Variants in ULK4 observed in about 807,000 individuals in gnomAD.
ULK4 encodes inactive serine/threonine-protein kinase ULK4.
ULK4 carries 133 observed loss-of-function variants against 160.6 expected under a neutral mutation model. The observed-to-expected ratio is 0.83, with a 90% CI of 0.72 to 0.96. The LOEUF (loss-of-function observed/expected upper bound fraction) is 0.96. Among genes scored for constraint, ULK4 ranks in the 40% least tolerant of loss-of-function variants. ULK4 has a pLI of 0.00. For missense variants in ULK4, 1,580 were observed against 1,499.5 expected (o/e 1.05, Z -0.89); for synonymous variants, 534 against 539.8 (o/e 0.99, Z 0.15).
chr3:41,730,493 A>G (rs965000303), intron 22 of ULK4, among the ~76,000 whole-genome samples: 1 of 152,184 alleles, frequency 6.6e-6, no homozygotes, highest in Admixed American at 6.5e-5. Context: ...ATGAACAACT[A>G]TACACCAAAA....
chr3:41,252,202 T>C (rs900681659), intron 35 of ULK4, among the ~76,000 whole-genome samples: 2 of 152,212 alleles, frequency 1.3e-5, no homozygotes, highest in African/African-American at 2.4e-5. Flanking sequence ...CAGGGTCTTA[T>C]AATGTAATAT....
intron 32 of ULK4, among the ~76,000 whole-genome samples, chr3:41,542,164 A>G (rs1206356754): frequency 6.6e-6 from 1 of 152,190 alleles, no homozygotes; most frequent in Non-Finnish European, 1.5e-5. Flanking sequence ...TGTCATAAAC[A>G]GCTGTTATTA....
chr3:41,829,944 C>T (rs2041517550), intron 18 of ULK4, among the ~76,000 whole-genome samples: 2 of 151,800 alleles, frequency 1.3e-5, no homozygotes, highest in Admixed American at 6.6e-5. Flanking sequence ...GGTACATATA[C>T]ACCATGGAAT....
intron 34 of ULK4, 88 bp from the exon 35 acceptor site, chr3:41,398,352 G>A: frequency 7.4e-7 from 1 of 1,346,808 alleles, no homozygotes; most frequent in Admixed American, 2.2e-5. Context: ...GCTTGATGGG[G>A]GTGTCAGCCT....
chr3:41,770,888 A>G (rs915149038), intron 21 of ULK4, among the ~76,000 whole-genome samples: 2 of 152,198 alleles, frequency 1.3e-5, no homozygotes, highest in Non-Finnish European at 2.9e-5. Context: ...AAGAATATTA[A>G]GTTACTTTTG....
chr3:41,850,978 T>C (rs948286531), intron 17 of ULK4, among the ~76,000 whole-genome samples: 1 of 152,222 alleles, frequency 6.6e-6, no homozygotes, highest in Non-Finnish European at 1.5e-5. Flanking sequence ...CTTGAATTAA[T>C]TTTTGTATAA....
chr3:41,669,611 G>T lies in ULK4; in HGVS notation c.2979-5912C>A, dbSNP rs1385158653. ...TTCTATCCCTAGAGATTCTACAAAA[G>T]GAAATAAGGATATGTCCAAGGATGC... On this transcript the variant is annotated intron_variant, in intron 29 of 36. Coordinates refer to ENST00000301831, the MANE Select transcript of ULK4 (RefSeq NM_017886.4). 2.0e-5 allele frequency among the ~76,000 whole-genome samples: 3 copies of T among 152,024 alleles called. No homozygotes were observed. The East Asian group carries it at 5.8e-4, about 29-fold the overall frequency.
intron 35 of ULK4, among the ~76,000 whole-genome samples, chr3:41,389,166 GCTCT>G (rs2081893780): frequency 6.6e-6 from 1 of 151,564 alleles, no homozygotes; most frequent in Non-Finnish European, 1.5e-5. Flanking sequence ...TCATGATTTG[GCTCT>G]CTGTCTGTTA....
intron 34 of ULK4, among the ~76,000 whole-genome samples, chr3:41,404,226 A>ATTTTTT (rs60508995): frequency 7.6e-6 from 1 of 131,864 alleles, no homozygotes; most frequent in African/African-American, 2.8e-5. Flanking sequence ...TAGCTCTATC[A>ATTTTTT]TTTTTTTTTT....
At chr3:41,538,407 G>C (rs2086585266) in intron 32 of ULK4, among the ~76,000 whole-genome samples, 1 of 151,952 alleles carries the variant, frequency 6.6e-6, no homozygotes, top group Non-Finnish European at 1.5e-5. Context: ...GAAATGGCAG[G>C]CAACAGCTGC....
chr3:41,366,341 G>A (rs954182034), intron 35 of ULK4, among the ~76,000 whole-genome samples: 6 of 152,126 alleles, frequency 3.9e-5, no homozygotes, highest in African/African-American at 1.2e-4. Flanking sequence ...AGGGAAAGTA[G>A]GTAAGATGGT....
intron 21 of ULK4, among the ~76,000 whole-genome samples, chr3:41,769,217 G>C (rs543116226): frequency 6.6e-6 from 1 of 152,148 alleles, no homozygotes; most frequent in South Asian, 2.1e-4. Context: ...TTCTCATTTA[G>C]TCATTTCAGA....
chr3:41,730,614 G>A (rs1419521965), intron 22 of ULK4, among the ~76,000 whole-genome samples: 7 of 152,136 alleles, frequency 4.6e-5, no homozygotes, highest in Non-Finnish European at 8.8e-5. Flanking sequence ...TAATAAGACT[G>A]AATCGATAAT....
intron 29 of ULK4, among the ~76,000 whole-genome samples, chr3:41,672,857 G>C (rs1025315192): frequency 9.9e-5 from 15 of 151,994 alleles, no homozygotes; most frequent in Admixed American, 2.0e-4. Context: ...TATTTTTTGA[G>C]ACAGGGTCTC....
At chr3:41,280,121 T>C (rs1056932277) in intron 35 of ULK4, among the ~76,000 whole-genome samples, 3 of 152,192 alleles carry the variant, frequency 2.0e-5, no homozygotes, top group African/African-American at 7.2e-5. Flanking sequence ...ATCCTAAATA[T>C]ATATGCACCC....
At chr3:41,467,674 C>CA (rs924546746) in intron 32 of ULK4, among the ~76,000 whole-genome samples, 10 of 151,248 alleles carry the variant, frequency 6.6e-5, no homozygotes, top group East Asian at 3.9e-4. Flanking sequence ...AGATGAATCT[C>CA]AAAAAAAATG....
At chr3:41,386,517 T>C (rs753070808) in intron 35 of ULK4, among the ~76,000 whole-genome samples, 2 of 152,122 alleles carry the variant, frequency 1.3e-5, no homozygotes, top group Non-Finnish European at 2.9e-5. Flanking sequence ...CACTTGAGTA[T>C]AAGAACAGAG....
At chr3:41,250,453 A>G (rs1340388671) in intron 35 of ULK4, among the ~76,000 whole-genome samples, 1 of 152,232 alleles carries the variant, frequency 6.6e-6, no homozygotes, top group Non-Finnish European at 1.5e-5. Flanking sequence ...CAAGGTAAGT[A>G]TATATCATGT....
chr3:41,491,507 T>C (rs369378266), intron 32 of ULK4, among the ~76,000 whole-genome samples: 1 of 151,714 alleles, frequency 6.6e-6, no homozygotes, highest in Admixed American at 6.6e-5. Context: ...ATATAGAAAT[T>C]AGGTACAAAA....
Sources: allele counts gnomAD v4.1 joint callset (sites outside exome capture counted in the v4.1 genomes callset), GRCh38; gene constraint gnomAD v4.1.1; transcripts MANE v1.5; gene names NCBI Gene and HGNC (gene_info 2026-07-23, HGNC 2026-07-21).